The following NLGN1 variants were observed in gnomAD, a reference collection of about 807,000 sequenced individuals.
NLGN1 encodes neuroligin-1.
In NLGN1, 12 loss-of-function variants were observed where a neutral mutation model predicts 65.5. The observed-to-expected ratio is 0.18, with a 90% CI of 0.12 to 0.30. The LOEUF is 0.30. Ranked by LOEUF, NLGN1 falls within the 10% of genes least tolerant of loss-of-function variation. The pLI, the probability that NLGN1 is intolerant of heterozygous loss-of-function variation, is 1.00. For missense variants in NLGN1, 750 were observed against 1,007.1 expected, an observed-to-expected ratio of 0.74 and a Z score of 3.46; for synonymous variants, 350 against 359.5, an observed-to-expected ratio of 0.97 and a Z score of 0.30.
At chr3:173,913,233 A>G (rs1739996733) in intron 4 of NLGN1, among the ~76,000 whole-genome samples, 1 of 152,166 alleles carries the variant, frequency 6.6e-6, no homozygotes, top group East Asian at 1.9e-4. Flanking sequence ...ACACCAAAGA[A>G]AGAGTAAGTG....
At chr3:173,854,403 A>G (rs1727552645) in intron 4 of NLGN1, among the ~76,000 whole-genome samples, 1 of 151,976 alleles carries the variant, frequency 6.6e-6, no homozygotes, top group African/African-American at 2.4e-5. Flanking sequence ...TGAAGCCTAT[A>G]TAAAAATTAT....
At chr3:173,904,848 G>A (rs1368451497) in intron 4 of NLGN1, among the ~76,000 whole-genome samples, 1 of 152,142 alleles carries the variant, frequency 6.6e-6, no homozygotes, top group Non-Finnish European at 1.5e-5. Flanking sequence ...TTTCAGGCAG[G>A]TAAAGGAAAA....
chr3:173,499,796 T>C (rs1440840468), intron 2 of NLGN1, among the ~76,000 whole-genome samples: 1 of 151,892 alleles, frequency 6.6e-6, no homozygotes, highest in Non-Finnish European at 1.5e-5. Flanking sequence ...GATTCCTAGG[T>C]ATTTTATTCT....
chr3:173,530,127 GTA>G (rs745969460), intron 2 of NLGN1, among the ~76,000 whole-genome samples: 18 of 152,118 alleles, frequency 1.2e-4, no homozygotes, highest in Admixed American at 2.6e-4. Context: ...GCTAATTTTT[GTA>G]TTTTTAGTAG....
chr3:174,064,219 A>G (rs1468544920), intron 4 of NLGN1, among the ~76,000 whole-genome samples: 1 of 152,110 alleles, frequency 6.6e-6, no homozygotes, highest in Non-Finnish European at 1.5e-5. Flanking sequence ...GGAAAAGCAT[A>G]TAGAAAGCTT....
At chr3:173,806,273 A>G (rs1422774796) in intron 3 of NLGN1, among the ~76,000 whole-genome samples, 1 of 152,168 alleles carries the variant, frequency 6.6e-6, no homozygotes, top group Admixed American at 6.6e-5. Context: ...TACGCTAGAG[A>G]AATCAAGGCA....
chr3:174,283,847 A>G (rs887727158), exon 7 of NLGN1: 20 of 151,498 alleles, frequency 1.3e-4, no homozygotes, highest in African/African-American at 4.6e-4. Context: ...CATCTGAAGT[A>G]TTGTTCAATT....
intron 3 of NLGN1, among the ~76,000 whole-genome samples, chr3:173,620,175 C>T (rs905275143): frequency 1.3e-5 from 2 of 152,090 alleles, no homozygotes; most frequent in South Asian, 4.2e-4. Context: ...TGATAAACCA[C>T]GATAGGGAAT....
chr3:173,888,040 A>G (rs749989603), intron 4 of NLGN1, among the ~76,000 whole-genome samples: 28 of 152,080 alleles, frequency 1.8e-4, no homozygotes, highest in Admixed American at 6.6e-4. Context: ...AAATGCCTGT[A>G]GTGACAGTGA....
chr3:173,742,779 A>G (rs1033435961), intron 3 of NLGN1, among the ~76,000 whole-genome samples: 34 of 152,234 alleles, frequency 2.2e-4, no homozygotes, highest in African/African-American at 8.2e-4. Context: ...TTTGTTTTCC[A>G]TGAAAGTGGC....
chr3:174,250,398 T>A (rs1744560012), intron 4 of NLGN1, among the ~76,000 whole-genome samples: 1 of 152,236 alleles, frequency 6.6e-6, no homozygotes, highest in African/African-American at 2.4e-5. Flanking sequence ...ATGAGTTTTT[T>A]ATTTGAATTG....
chr3:174,218,193 T>A (rs904757375), intron 4 of NLGN1, among the ~76,000 whole-genome samples: 10 of 152,066 alleles, frequency 6.6e-5, no homozygotes, highest in African/African-American at 2.4e-4. Flanking sequence ...CAGGGGATTA[T>A]AGCTTACTAA....
intron 2 of NLGN1, among the ~76,000 whole-genome samples, chr3:173,569,587 C>CTTTTTTTTTTTTTATTTTTT (rs58825067): frequency 7.2e-6 from 1 of 139,364 alleles, no homozygotes; most frequent in African/African-American, 2.6e-5. Context: ...ATCATGGTTT[C>CTTTTTTTTTTTTTATTTTTT]TTTTTTTTTT....
At position 173,534,917 on chromosome 3, in the gene NLGN1, C is replaced by A. The variant is rs527802029; in HGVS notation, c.-320-69362C>A. Among the ~76,000 whole-genome samples the A allele has an allele frequency of 7.8e-4, 119 of 152,258 alleles. 1 individual carries two copies. The highest frequency in any genetic ancestry group is 2.8e-3 in the African/African-American group (118 of 41,556). ...CTTTTAATTGATTAATAAATAAATT[C>A]AAATTTCCTTAACTATCATTACTTT... On this transcript the variant is annotated intron_variant, in intron 2 of 6. Coordinates refer to ENST00000457714, the Ensembl canonical transcript of NLGN1.
intron 3 of NLGN1, among the ~76,000 whole-genome samples, chr3:173,700,217 A>T (rs1484314768): frequency 1.3e-5 from 2 of 152,208 alleles, no homozygotes; most frequent in Non-Finnish European, 1.5e-5. Context: ...CGTTCATATT[A>T]ATCACTACTG....
intron 4 of NLGN1, among the ~76,000 whole-genome samples, chr3:174,260,810 G>T (rs2152857988): frequency 1.3e-5 from 2 of 150,662 alleles, no homozygotes; most frequent in African/African-American, 4.9e-5. Flanking sequence ...GGGTTTTTAT[G>T]GTTTTAGGTC....
At chr3:173,528,722 G>T (rs560186382) in intron 2 of NLGN1, among the ~76,000 whole-genome samples, 5 of 151,992 alleles carry the variant, frequency 3.3e-5, no homozygotes, top group African/African-American at 4.8e-5. Context: ...CTTCTGCTTG[G>T]TCTAGTCTAC....
At chr3:173,840,870 G>T (rs1451929777) in intron 4 of NLGN1, among the ~76,000 whole-genome samples, 1 of 151,874 alleles carries the variant, frequency 6.6e-6, no homozygotes, top group Non-Finnish European at 1.5e-5. Context: ...ATCTTAATTT[G>T]CTGGTGAAAT....
intron 2 of NLGN1, among the ~76,000 whole-genome samples, chr3:173,470,703 A>G (rs1456425608): frequency 2.0e-5 from 3 of 152,184 alleles, no homozygotes; most frequent in African/African-American, 4.8e-5. Context: ...AAAGCACTCA[A>G]TAACATGTGA....
Sources: allele counts gnomAD v4.1 joint callset (sites outside exome capture counted in the v4.1 genomes callset), GRCh38; gene constraint gnomAD v4.1.1; transcripts MANE v1.5; gene names NCBI Gene and HGNC (gene_info 2026-07-23, HGNC 2026-07-21).